The following CD44 variants were observed in gnomAD, a reference collection of about 807,000 sequenced individuals.
CD44 encodes the protein CD44 molecule (IN blood group).
In CD44, 49 loss-of-function variants were observed where a neutral mutation model predicts 88.8. That is an observed-to-expected ratio of 0.55 (90% CI 0.44 to 0.70). The LOEUF (loss-of-function observed/expected upper bound fraction) is 0.70. Among genes scored for constraint, CD44 ranks in the 30% least tolerant of loss-of-function variants. The probability of loss-of-function intolerance (pLI) is 0.00; values close to 1 mark genes in which losing one functional copy is unlikely to be tolerated. For synonymous variants in CD44, 325 were observed against 312.3 expected (o/e 1.04, Z -0.43); for missense variants, 883 against 913.8 (o/e 0.97, Z 0.43).
At chr11:35,146,581 C>T (rs1859223677) in intron 1 of CD44, among the ~76,000 whole-genome samples, 1 of 152,172 alleles carries the variant, frequency 6.6e-6, no homozygotes, top group Non-Finnish European at 1.5e-5. Context: ...GAAGGTGGTG[C>T]TGTTATTATC....
rs374191182 is a variant in CD44 at position 35,189,070 on chromosome 11, G to A, written c.437-765G>A. Reference sequence around the variant, plus strand: ...TGCATAGTGAGTGGCCCAGACTTGAGAGCAGCAAATACTTCTAGGGAGGAA... The same window carrying A: ...TGCATAGTGAGTGGCCCAGACTTGAAAGCAGCAAATACTTCTAGGGAGGAA... On this transcript the variant is annotated intron_variant, in intron 4 of 17. Coordinates refer to ENST00000428726, the MANE Select transcript of CD44 (RefSeq NM_000610.4). Among the ~76,000 whole-genome samples the A allele has an allele frequency of 3.3e-5, 5 of 152,314 alleles. No homozygotes were observed. The South Asian group carries it at 1.0e-3, about 32-fold the overall frequency.
chr11:35,187,561 A>T (rs781124669), intron 4 of CD44, among the ~76,000 whole-genome samples: 8 of 152,254 alleles, frequency 5.3e-5, no homozygotes, highest in Non-Finnish European at 8.8e-5. Context: ...ATGGAAAACC[A>T]ACATCACATC....
At chr11:35,186,928 A>G in intron 4 of CD44, 28 bp downstream of exon 4, 3 of 1,409,890 alleles carry the variant, frequency 2.1e-6, no homozygotes, top group Non-Finnish European at 3.0e-6. Context: ...TCTTAATTAA[A>G]TTTTCCTATT....
In CD44 at chr11:35,201,677, A is replaced by G; in HGVS notation, c.1043A>G (p.Asp348Gly). 1.2e-6 allele frequency: 2 copies of G among 1,613,752 alleles called. No homozygotes were observed. Among genetic ancestry groups the G allele is most frequent in the Non-Finnish European group, 1.7e-6 (2 of 1,179,678 alleles). The change falls in exon 9 of 18, where the codon GAC (aspartate) becomes GGC (glycine). Residue 348 changes from aspartate (D) to glycine (G), a missense_variant. Coordinates refer to ENST00000428726, the MANE Select transcript of CD44 (RefSeq NM_000610.4). ...TTAACCATCATCACAGCAGATGTAG[A>G]CAGAAATGGCACCACTGCTTATGAA... ...LQTTTRMTDV[D>G]RNGTTAYEGN...
In CD44 at chr11:35,147,886, C is replaced by T. The variant is rs546668356; in HGVS notation, c.67+8516C>T. Among the ~76,000 whole-genome samples, 118 of 152,108 alleles carry T rather than the reference C, an allele frequency of 7.8e-4. 2 individuals are homozygous for T. The highest frequency in any genetic ancestry group is 7.5e-3 in the South Asian group (36 of 4,816). ...GGCGGATGACCTGAGGTCGGGAGTTCGAGACCAGCCTGACCAACATGGAGA... is the reference window on the plus strand; with the variant it reads ...GGCGGATGACCTGAGGTCGGGAGTTTGAGACCAGCCTGACCAACATGGAGA... On this transcript the variant is annotated intron_variant, in intron 1 of 17. Transcript: ENST00000428726.
intron 1 of CD44, among the ~76,000 whole-genome samples, chr11:35,154,241 G>A (rs1941561814): frequency 6.6e-6 from 1 of 152,100 alleles, no homozygotes; most frequent in South Asian, 2.1e-4. Context: ...TGGGCCTAGG[G>A]TTTTATTAGT....
chr11:35,196,423 C>T lies in CD44; in HGVS notation c.668-323C>T, dbSNP rs544753878. 1.6e-4 allele frequency among the ~76,000 whole-genome samples: 24 copies of T among 152,214 alleles called. No individual in the cohort carries two copies. The South Asian group carries it at 2.7e-3, about 17-fold the overall frequency. On this transcript the variant is annotated intron_variant, in intron 5 of 17. Coordinates refer to ENST00000428726, the MANE Select transcript of CD44 (RefSeq NM_000610.4). ...TCAAAATTCAAAGACGGCTGTCATG[C>T]GTTCCTGGAGCCCTCACTCTTGCTA...
Position 35,229,703 on chromosome 11 carries a change from GC to G in CD44, c.*372del, listed in dbSNP as rs1949967030. 4.8e-6 allele frequency: 1 copy of G among 206,732 alleles called. No individual in the cohort carries two copies. Among genetic ancestry groups the G allele is most frequent in the Admixed American group, 5.2e-5 (1 of 19,198 alleles). The allele number at this position is 206,732 out of a possible 1,614,324, so 12.8% of individuals were successfully genotyped here. A position where few individuals can be genotyped will look rare whatever the true frequency, so the allele number is the denominator to read the frequency against. ...AAGGACATTTCCCAGGGTTAATAGG[GC>G]CTGGTCCCTGGGAGGAAATTTGAAT... On this transcript the variant is annotated 3_prime_UTR_variant, in exon 18 of 18. Coordinates refer to ENST00000428726, the MANE Select transcript of CD44 (RefSeq NM_000610.4).
intron 9 of CD44, among the ~76,000 whole-genome samples, chr11:35,203,032 G>C (rs1346971986): frequency 6.6e-6 from 1 of 152,100 alleles, no homozygotes; most frequent in Non-Finnish European, 1.5e-5. Flanking sequence ...CTAGAGGGTT[G>C]GTGAAAATTC....
At chr11:35,157,158 A>T (rs1941974560) in intron 1 of CD44, among the ~76,000 whole-genome samples, 1 of 152,222 alleles carries the variant, frequency 6.6e-6, no homozygotes, top group African/African-American at 2.4e-5. Flanking sequence ...CAGCACATGG[A>T]GACACTGAAT....
intron 7 of CD44, among the ~76,000 whole-genome samples, chr11:35,199,580 G>T (rs531559092): frequency 1.3e-5 from 2 of 152,040 alleles, no homozygotes; most frequent in Non-Finnish European, 2.9e-5. Context: ...GGCCTTGAAG[G>T]CATCTGAGTA....
intron 14 of CD44, chr11:35,214,568 C>T: frequency 3.1e-6 from 1 of 319,134 alleles, no homozygotes; most frequent in Non-Finnish European, 5.7e-6. Flanking sequence ...GGATTTCTAC[C>T]AAAACAAAGT....
intron 15 of CD44, 60 bp downstream of exon 15, chr11:35,214,974 C>A: frequency 9.5e-7 from 1 of 1,049,642 alleles, no homozygotes; most frequent in Non-Finnish European, 1.4e-6. Context: ...ATGATGACTA[C>A]CAACGAAGTA....
At chr11:35,171,019 A>C (rs1033374530) in intron 1 of CD44, among the ~76,000 whole-genome samples, 7 of 152,242 alleles carry the variant, frequency 4.6e-5, no homozygotes, top group African/African-American at 1.7e-4. Flanking sequence ...CCTCATAGGA[A>C]TGTTTTAAGG....
chr11:35,226,238 C>A (rs1277082555), intron 17 of CD44, among the ~76,000 whole-genome samples: 1 of 152,202 alleles, frequency 6.6e-6, no homozygotes, highest in African/African-American at 2.4e-5. Context: ...CTGTCAAGAT[C>A]AGCTTCGTTT....
rs1950020859 is a variant in CD44 at position 35,230,729 on chromosome 11, C to T, written c.*1396C>T. The T allele has an allele frequency of 6.6e-6, 1 of 152,188 alleles. No homozygotes were observed. Among genetic ancestry groups the T allele is most frequent in the Non-Finnish European group, 1.5e-5 (1 of 68,058 alleles). The allele number at this position is 152,188 out of a possible 1,614,324, so 9.4% of individuals were successfully genotyped here. ...TTTATCCTCTAACCTCATATTTTCT[C>T]CCACTTGGCAAGTCCTTTGTGGCAT... On this transcript the variant is annotated 3_prime_UTR_variant, in exon 18 of 18. Transcript: ENST00000428726.
chr11:35,214,962 T>TC, intron 15 of CD44, 48 bp downstream of exon 15: 8 of 1,152,214 alleles, frequency 6.9e-6, no homozygotes, highest in Non-Finnish European at 9.7e-6. Flanking sequence ...TCATTGAGCC[T>TC]AATGATGACT....
intron 3 of CD44, among the ~76,000 whole-genome samples, chr11:35,183,813 C>T (rs570864436): frequency 1.3e-5 from 2 of 152,224 alleles, no homozygotes; most frequent in East Asian, 3.9e-4. Context: ...TCAAGTGCCT[C>T]ATTTTCTTTT....
intron 1 of CD44, among the ~76,000 whole-genome samples, chr11:35,148,736 T>C (rs1214039969): frequency 6.6e-6 from 1 of 152,232 alleles, no homozygotes; most frequent in African/African-American, 2.4e-5. Context: ...TCAGCACAGT[T>C]CCCCAATTAT....
Sources: gnomAD v4.1 joint callset for allele counts (sites outside exome capture counted in the v4.1 genomes callset) on GRCh38, gnomAD v4.1.1 for gene constraint, MANE v1.5 for transcripts, NCBI Gene and HGNC (gene_info 2026-07-23, HGNC 2026-07-21) for gene names.